The following DENND1B variants were observed in gnomAD, a reference collection of about 807,000 sequenced individuals.
The protein encoded by DENND1B is DENN domain containing 1B, also known as DENN domain-containing protein 1B.
Under a neutral mutation model 90.1 loss-of-function variants are expected in DENND1B, and 59 were observed. The observed-to-expected ratio is 0.65, with a 90% CI of 0.53 to 0.81. DENND1B has a LOEUF of 0.81. Among genes scored for constraint, DENND1B ranks in the 40% least tolerant of loss-of-function variants. The probability of loss-of-function intolerance (pLI) is 0.00; values close to 1 mark genes in which losing one functional copy is unlikely to be tolerated. For synonymous variants in DENND1B, 337 were observed against 324.6 expected (o/e 1.04, Z -0.41); for missense variants, 862 against 912.6 (o/e 0.94, Z 0.71).
At chr1:197,586,831 T>G (rs1332250215) in intron 14 of DENND1B, among the ~76,000 whole-genome samples, 2 of 152,202 alleles carry the variant, frequency 1.3e-5, no homozygotes, top group Non-Finnish European at 2.9e-5. Flanking sequence ...GGGAAAGCAC[T>G]GACTGTATCA....
intron 2 of DENND1B, among the ~76,000 whole-genome samples, chr1:197,716,310 T>G (rs1289478471): frequency 6.6e-6 from 1 of 151,754 alleles, no homozygotes; most frequent in East Asian, 1.9e-4. Context: ...ACTTTTTATT[T>G]ATTAAGGACT....
intron 13 of DENND1B, among the ~76,000 whole-genome samples, chr1:197,599,843 C>T (rs544799767): frequency 6.6e-6 from 1 of 151,770 alleles, no homozygotes; most frequent in Admixed American, 6.6e-5. Context: ...CAAATCCTAA[C>T]GAATATGGCA....
At chr1:197,736,147 A>T in intron 2 of DENND1B, 3 of 380,422 alleles carry the variant, frequency 7.9e-6, no homozygotes, top group South Asian at 3.6e-5. Flanking sequence ...ATTGGACTTA[A>T]AAAAAAAAAA....
chr1:197,707,910 AC>A (rs1659763686), intron 3 of DENND1B, among the ~76,000 whole-genome samples: 2 of 151,300 alleles, frequency 1.3e-5, no homozygotes, highest in South Asian at 4.1e-4. Flanking sequence ...GCATTGCCTC[AC>A]CTGGGAAGCG....
intron 11 of DENND1B, among the ~76,000 whole-genome samples, chr1:197,615,463 C>G (rs1033258913): frequency 6.6e-6 from 1 of 151,034 alleles, no homozygotes; most frequent in African/African-American, 2.4e-5. Context: ...AAGTTCCAAT[C>G]GTGCCAAAGA....
At chr1:197,713,793 T>TATTATAATA (rs1376908590) in intron 3 of DENND1B, among the ~76,000 whole-genome samples, 2 of 20,236 alleles carry the variant, frequency 9.9e-5, no homozygotes, top group Non-Finnish European at 1.6e-4. Flanking sequence ...TATTATAATA[T>TATTATAATA]TATTATATTA....
chr1:197,751,851 G>A (rs1004568818), intron 2 of DENND1B, among the ~76,000 whole-genome samples: 2 of 144,508 alleles, frequency 1.4e-5, no homozygotes, highest in Admixed American at 1.4e-4. Context: ...GAGGGGAAGG[G>A]AAGGGAAGGC....
At chr1:197,539,932 T>C (rs771684228) in intron 20 of DENND1B, 32 bp downstream of exon 20, 2 of 1,459,496 alleles carry the variant, frequency 1.4e-6, no homozygotes, top group South Asian at 2.3e-5. Context: ...TTTGAGAATG[T>C]GGGGGAATGA....
chr1:197,742,377 C>T (rs1663292857), intron 2 of DENND1B, among the ~76,000 whole-genome samples: 1 of 152,082 alleles, frequency 6.6e-6, no homozygotes, highest in South Asian at 2.1e-4. Context: ...ATATAATACT[C>T]TAAATAATTT....
At chr1:197,630,158 T>G (rs936968216) in intron 10 of DENND1B, among the ~76,000 whole-genome samples, 1 of 152,086 alleles carries the variant, frequency 6.6e-6, no homozygotes, top group African/African-American at 2.4e-5. Context: ...AAACCTAAAT[T>G]TTTTATACTT....
intron 15 of DENND1B, among the ~76,000 whole-genome samples, chr1:197,572,750 C>T (rs1673287924): frequency 6.6e-6 from 1 of 152,156 alleles, no homozygotes. Flanking sequence ...GTTCTGCAGC[C>T]TCCACTGTTG....
intron 13 of DENND1B, among the ~76,000 whole-genome samples, chr1:197,595,660 T>A (rs1464705563): frequency 1.3e-5 from 2 of 152,150 alleles, no homozygotes; most frequent in Non-Finnish European, 2.9e-5. Flanking sequence ...AACATGTGTC[T>A]ACTTGTTTTG....
rs779461101 is a variant in DENND1B at position 197,511,779 on chromosome 1, T to C, written c.1764A>G (p.Ala588=). Residue 588 remains alanine (A), a synonymous_variant, in exon 22 of 23, where the codon GCA becomes GCG. Coordinates refer to ENST00000620048, the MANE Select transcript of DENND1B (RefSeq NM_001195215.2). ...TTGATCTAAAGAAATCCAAGCTCTT[T>C]GCAGCTGCCAGCTTCCCCTGATCTG... ...HSSDQGKLAA[A]KSLDFFRSMD... is the part of the protein sequence containing the mutation. 26 of 1,610,886 alleles carry C rather than the reference T, an allele frequency of 1.6e-5. No individual in the cohort carries two copies. Among genetic ancestry groups the C allele is most frequent in the Non-Finnish European group, 2.0e-5 (24 of 1,178,078 alleles).
intron 18 of DENND1B, among the ~76,000 whole-genome samples, chr1:197,543,031 C>T (rs1670457380): frequency 6.6e-6 from 1 of 152,074 alleles, no homozygotes; most frequent in Middle Eastern, 3.4e-3. Context: ...ACCTCCCAGG[C>T]TCCAGCAATT....
rs1350755693 is a variant in DENND1B at position 197,509,272 on chromosome 1, T to C, written c.*1188A>G. 2.0e-5 allele frequency: 3 copies of C among 151,770 alleles called. No individual in the cohort carries two copies. Among genetic ancestry groups the C allele is most frequent in the African/African-American group, 7.3e-5 (3 of 41,344 alleles). The allele number at this position is 151,770 out of a possible 1,614,324, so 9.4% of individuals were successfully genotyped here. On this transcript the variant is annotated 3_prime_UTR_variant, in exon 23 of 23. Transcript: ENST00000620048. ...GTACTCTTCAAAGCTGTCAATGTCA[T>C]CAAAAATAAGGAAAGTCTAAGAAAC...
At chr1:197,720,568 T>TA (rs1553336405) in intron 2 of DENND1B, among the ~76,000 whole-genome samples, 5 of 151,944 alleles carry the variant, frequency 3.3e-5, no homozygotes, top group Non-Finnish European at 7.4e-5. Context: ...TCAGCCTGAT[T>TA]AAAAAAAACG....
chr1:197,686,901 T>C (rs1382877676), intron 3 of DENND1B, among the ~76,000 whole-genome samples: 3 of 152,184 alleles, frequency 2.0e-5, no homozygotes, highest in South Asian at 2.1e-4. Flanking sequence ...GCCAGAATGC[T>C]AGGTTCAGAA....
At chr1:197,682,895 T>C (rs1274771822) in intron 3 of DENND1B, among the ~76,000 whole-genome samples, 9 of 152,346 alleles carry the variant, frequency 5.9e-5, no homozygotes, top group African/African-American at 2.2e-4. Flanking sequence ...TTGGACTTAA[T>C]ACAAAGGGTA....
chr1:197,774,479 C>T (rs1263157670), intron 1 of DENND1B: 1 of 152,182 alleles, frequency 6.6e-6, no homozygotes, highest in Non-Finnish European at 1.5e-5. Context: ...ATTAAAATTG[C>T]TTTTTACCTA....
Sources: allele counts gnomAD v4.1 joint callset (sites outside exome capture counted in the v4.1 genomes callset), GRCh38; gene constraint gnomAD v4.1.1; transcripts MANE v1.5; gene names NCBI Gene and HGNC (gene_info 2026-07-23, HGNC 2026-07-21).